The following AAMDC variants were observed in gnomAD, a reference collection of about 807,000 sequenced individuals.
AAMDC encodes adipogenesis associated Mth938 domain containing.
In AAMDC, 16 loss-of-function variants were observed where a neutral mutation model predicts 15.5. That is an observed-to-expected ratio of 1.03 (90% CI 0.70 to 1.57). The LOEUF (loss-of-function observed/expected upper bound fraction) is 1.57, where lower values mean the gene tolerates loss of function less well. AAMDC is among the 40% of genes most tolerant of loss of function. AAMDC has a pLI of 0.00. For missense variants in AAMDC, 141 were observed against 144.9 expected (o/e 0.97, Z 0.14); for synonymous variants, 51 against 51.6 (o/e 0.99, Z 0.05).
At chr11:77,890,122 G>A (rs1214629244) in intron 5 of AAMDC, among the ~76,000 whole-genome samples, 1 of 152,166 alleles carries the variant, frequency 6.6e-6, no homozygotes, top group African/African-American at 2.4e-5. Flanking sequence ...AAAGTGCAGT[G>A]AAGGTGGACA....
intron 1 of AAMDC, among the ~76,000 whole-genome samples, chr11:77,824,507 C>A (rs2136029276): frequency 6.6e-6 from 1 of 152,224 alleles, no homozygotes; most frequent in South Asian, 2.1e-4. Flanking sequence ...CACAAATATT[C>A]ATCAACAGAA....
At chr11:77,864,880 G>C (rs1951039750) in intron 2 of AAMDC, among the ~76,000 whole-genome samples, 1 of 152,180 alleles carries the variant, frequency 6.6e-6, no homozygotes. Flanking sequence ...GGGAGGCTGA[G>C]GTGGGAGGAT....
intron 2 of AAMDC, among the ~76,000 whole-genome samples, chr11:77,864,676 C>G (rs941605057): frequency 3.3e-5 from 5 of 152,066 alleles, no homozygotes; most frequent in African/African-American, 9.7e-5. Context: ...GGCATATGTT[C>G]CTTGAATAGA....
chr11:77,875,677 T>C (rs943427164), downstream of AAMDC, among the ~76,000 whole-genome samples: 4 of 152,178 alleles, frequency 2.6e-5, no homozygotes, highest in Admixed American at 1.3e-4. Context: ...ATAAATACTA[T>C]ACTATGTGTG....
chr11:77,832,923 T>C (rs1240844572), intron 1 of AAMDC, among the ~76,000 whole-genome samples: 3 of 149,532 alleles, frequency 2.0e-5, no homozygotes, highest in Non-Finnish European at 3.0e-5. Flanking sequence ...GCTCATTACA[T>C]TTATTGTGCA....
chr11:77,900,967 AAAC>A (rs1591033034), downstream of AAMDC, among the ~76,000 whole-genome samples: 2 of 152,226 alleles, frequency 1.3e-5, no homozygotes, highest in South Asian at 4.1e-4. Context: ...GTTCATAACC[AAAC>A]AACTAGTAAG....
At chr11:77,905,139 A>G (rs1219159087), downstream of AAMDC, among the ~76,000 whole-genome samples, 1 of 152,116 alleles carries the variant, frequency 6.6e-6, no homozygotes, top group Non-Finnish European at 1.5e-5. Flanking sequence ...CCAATCAGCC[A>G]GTGGCCAGGA....
At chr11:77,870,430 G>A (rs943831469) in intron 3 of AAMDC, among the ~76,000 whole-genome samples, 32 of 143,722 alleles carry the variant, frequency 2.2e-4, no homozygotes, top group African/African-American at 8.4e-4. Flanking sequence ...TCTGCCTCCC[G>A]GGTTCATGCC....
At chr11:77,883,507 C>CT in intron 5 of AAMDC, among the ~76,000 whole-genome samples, 5 of 152,174 alleles carry the variant, frequency 3.3e-5, no homozygotes, top group Admixed American at 3.3e-4. Context: ...CTAAGGTGAC[C>CT]AAGCAAGTCG....
At chr11:77,867,002 G>A (rs1009411352) in intron 2 of AAMDC, among the ~76,000 whole-genome samples, 14 of 151,770 alleles carry the variant, frequency 9.2e-5, no homozygotes, top group South Asian at 2.1e-4. Context: ...CACCACACCC[G>A]GCTAATTTTT....
At chr11:77,855,939 A>G (rs1370100249) in intron 2 of AAMDC, among the ~76,000 whole-genome samples, 2 of 152,022 alleles carry the variant, frequency 1.3e-5, no homozygotes, top group African/African-American at 4.8e-5. Flanking sequence ...GCAACATGGC[A>G]AAACCCTGGC....
intron 5 of AAMDC, among the ~76,000 whole-genome samples, chr11:77,883,286 G>A (rs952197527): frequency 6.6e-6 from 1 of 152,126 alleles, no homozygotes; most frequent in African/African-American, 2.4e-5. Context: ...TCTGCAGACT[G>A]AGGTCTTCTT....
chr11:77,826,701 C>T (rs1307798081), intron 1 of AAMDC, among the ~76,000 whole-genome samples: 2 of 152,138 alleles, frequency 1.3e-5, no homozygotes, highest in Admixed American at 1.3e-4. Context: ...AACTGTATGC[C>T]TGCAAATCAG....
intron 5 of AAMDC, among the ~76,000 whole-genome samples, chr11:77,883,057 G>A (rs187871660): frequency 6.8e-6 from 1 of 147,514 alleles, no homozygotes; most frequent in Non-Finnish European, 1.5e-5. Flanking sequence ...GCCTGGGCAA[G>A]AGCAAGACTC....
At chr11:77,877,754 T>C (rs1951638537) in intron 5 of AAMDC, among the ~76,000 whole-genome samples, 1 of 151,986 alleles carries the variant, frequency 6.6e-6, no homozygotes, top group South Asian at 2.1e-4. Context: ...TTGCAATTTT[T>C]TTTTTTTAAA....
intron 5 of AAMDC, among the ~76,000 whole-genome samples, chr11:77,878,240 T>C (rs2136341423): frequency 6.6e-6 from 1 of 152,046 alleles, no homozygotes; most frequent in East Asian, 1.9e-4. Context: ...CAGGCGCCTG[T>C]AGTCCCACCT....
At position 77,878,189 on chromosome 11, in the gene AAMDC, C is replaced by T. The variant is rs570942806; in HGVS notation, c.328+1140C>T. Among the ~76,000 whole-genome samples, 183 of 151,922 alleles carry T rather than the reference C, an allele frequency of 1.2e-3. 1 individual carries two copies. In the South Asian group the frequency reaches 0.026, roughly 22 times the overall value. On this transcript the variant is annotated intron_variant, in intron 5 of 5. Transcript: ENST00000304716. ...CATCCTGGCTAACATGGTGAAACCC[C>T]GTCTCTACTAAAAATACAAAAAATT... is the stretch of plus-strand genomic sequence containing the variant.
intron 5 of AAMDC, chr11:77,894,222 A>T: frequency 1.3e-6 from 1 of 778,492 alleles, no homozygotes; most frequent in Non-Finnish European, 2.2e-6. Context: ...GATTGTTCCT[A>T]TTGCCTGCAA....
At chr11:77,848,177 A>G (rs368558373) in intron 2 of AAMDC, among the ~76,000 whole-genome samples, 2 of 152,312 alleles carry the variant, frequency 1.3e-5, no homozygotes, top group African/African-American at 2.4e-5. Flanking sequence ...ACCATCAAAG[A>G]TACTTATGTG....
Sources: allele counts gnomAD v4.1 joint callset (sites outside exome capture counted in the v4.1 genomes callset), GRCh38; gene constraint gnomAD v4.1.1; transcripts MANE v1.5; gene names NCBI Gene and HGNC (gene_info 2026-07-23, HGNC 2026-07-21).